Variants in PRR3 observed in about 807,000 individuals in gnomAD.
The protein encoded by PRR3 is proline rich 3.
PRR3 carries 16 observed loss-of-function variants against 22.4 expected under a neutral mutation model. The observed-to-expected ratio is 0.71, with a 90% CI of 0.48 to 1.09. The LOEUF (loss-of-function observed/expected upper bound fraction) is 1.09. Ranked by LOEUF, PRR3 falls within the 50% of genes least tolerant of loss-of-function variation. The pLI is 0.00. For synonymous variants in PRR3, 87 were observed against 88.6 expected (o/e 0.98, Z 0.10); for missense variants, 224 against 243.4 (o/e 0.92, Z 0.53).
rs1800319866 is a variant in PRR3, at chr6:30,557,396, C to T, written c.52C>T (p.Pro18Ser). 3.1e-6 allele frequency: 5 copies of T among 1,612,448 alleles called. No individual in the cohort carries two copies. The South Asian group carries it at 3.3e-5, about 11-fold the overall frequency. The part of the protein sequence containing the change: ...NHHQPPTQQQ[P>S]PLPEREETGD... ...TCACCAGCCACCGACACAGCAGCAG[C>T]CCCCGCTGCCCGAGCGGGAAGAGAC... The change falls in exon 1 of 4, where the codon CCC becomes TCC. Residue 18 changes from proline to serine, a missense_variant. Transcript: ENST00000376560.
chr6:30,558,652 T>C (rs1272414916), intron 2 of PRR3, among the ~76,000 whole-genome samples: 8 of 152,062 alleles, frequency 5.3e-5, no homozygotes, highest in Admixed American at 5.2e-4. Flanking sequence ...CATAGTGAGA[T>C]CCTGTCTCTA....
intron 3 of PRR3, 55 bp downstream of exon 3, chr6:30,562,179 A>C: frequency 6.7e-7 from 1 of 1,491,844 alleles, no homozygotes; most frequent in Non-Finnish European, 9.0e-7. Context: ...TTTTCAGAAG[A>C]TCATTCACAA....
intron 1 of PRR3, among the ~76,000 whole-genome samples, chr6:30,557,721 G>A (rs1800354926): frequency 6.6e-6 from 1 of 152,248 alleles, no homozygotes; most frequent in African/African-American, 2.4e-5. Context: ...AACAGTAGGG[G>A]AAAGGGGTAG....
chr6:30,561,718 T>G lies in PRR3; in HGVS notation c.170-116T>G. 1 of 896,526 alleles carries G rather than the reference T, an allele frequency of 1.1e-6. No homozygotes were observed. The highest frequency in any genetic ancestry group is 1.6e-6 in the Non-Finnish European group (1 of 608,072). 55.5% of individuals were successfully genotyped at this position (896,526 alleles called of 1,614,324 possible). On this transcript the variant is annotated intron_variant, in intron 2 of 3. Transcript: ENST00000376560. This position sits in a 1 kb window ranked among gnomAD's most constrained non-coding sequence, Gnocchi z 4.0. ...GAGAACTGGGTTGTGCACTTAAAAC[T>G]GGTGTGTCTTTATGTATGCTGTTCT...
intron 2 of PRR3, among the ~76,000 whole-genome samples, chr6:30,559,403 T>TG (rs1194950876): frequency 6.6e-6 from 1 of 151,956 alleles, no homozygotes; most frequent in Non-Finnish European, 1.5e-5. Flanking sequence ...AATACAAACT[T>TG]GCCAAATAAT....
intron 2 of PRR3, among the ~76,000 whole-genome samples, chr6:30,558,726 C>T (rs540341697): frequency 6.6e-6 from 1 of 152,244 alleles, no homozygotes; most frequent in African/African-American, 2.4e-5. Context: ...AGTTTGGAAA[C>T]AATGATAGAC....
Position 30,558,171 on chromosome 6 carries a change from C to A in PRR3, c.128C>A (p.Pro43His). The A allele has an allele frequency of 1.2e-6, 2 of 1,613,044 alleles. No homozygotes were observed. The highest frequency in any genetic ancestry group is 1.7e-6 in the Non-Finnish European group (2 of 1,180,002). ...SPIGPPSLLG[P>H]PPMANGKPGD... ...TTAGGACCACCCAGCCTTCTGGGCCCTCCCCCCATGGCCAATGGAAAACCT... is the reference window on the plus strand; with the variant it reads ...TTAGGACCACCCAGCCTTCTGGGCCATCCCCCCATGGCCAATGGAAAACCT... Residue 43 changes from proline to histidine, a missense_variant, in exon 2 of 4, where the codon CCT (proline) becomes CAT (histidine). Transcript: ENST00000376560.
At position 30,561,719 on chromosome 6, in the gene PRR3, G is replaced by A; in HGVS notation, c.170-115G>A. 2 of 900,376 alleles carry A rather than the reference G, an allele frequency of 2.2e-6. No individual in the cohort carries two copies. Among genetic ancestry groups the A allele is most frequent in the Non-Finnish European group, 1.6e-6 (1 of 612,066 alleles). 55.8% of individuals were successfully genotyped at this position (900,376 alleles called of 1,614,324 possible). A position where few individuals can be genotyped will look rare whatever the true frequency, so the allele number is the denominator to read the frequency against. ...AGAACTGGGTTGTGCACTTAAAACT[G>A]GTGTGTCTTTATGTATGCTGTTCTT... On this transcript the variant is annotated intron_variant, in intron 2 of 3. Coordinates refer to ENST00000376560, the MANE Select transcript of PRR3 (RefSeq NM_025263.4). The surrounding 1 kb of genome is among the most constrained non-coding windows in gnomAD (Gnocchi z 4.0).
chr6:30,559,096 G>A (rs1206600652), intron 2 of PRR3, among the ~76,000 whole-genome samples: 5 of 152,286 alleles, frequency 3.3e-5, no homozygotes, highest in South Asian at 2.1e-4. Context: ...ATAAATTTGC[G>A]GCTGGGTACA....
At chr6:30,557,992 A>G (rs1373559577) in intron 1 of PRR3, among the ~76,000 whole-genome samples, 158 bp from the exon 2 acceptor site, 1 of 152,266 alleles carries the variant, frequency 6.6e-6, no homozygotes, top group Admixed American at 6.5e-5. Context: ...TGCAGAAAAA[A>G]GGGCAGATAG....
chr6:30,558,232 G>A lies in PRR3; in HGVS notation c.169+20G>A, dbSNP rs1234590143. The A allele has an allele frequency of 6.2e-7, 1 of 1,607,746 alleles. No homozygotes were observed. Among genetic ancestry groups the A allele is most frequent in the Non-Finnish European group, 8.5e-7 (1 of 1,175,302 alleles). On this transcript the variant is annotated intron_variant, in intron 2 of 3. Transcript: ENST00000376560. ...AGTCAGGTGAGGAGGAAGGGGCCCT[G>A]ATCCTTGTATTAGGTCGTAGAGAAG...
chr6:30,557,163 CGGAG>C (rs1562721804), upstream of PRR3: 1 of 704,292 alleles, frequency 1.4e-6, no homozygotes, highest in Non-Finnish European at 2.6e-6. Flanking sequence ...CTGGCAGAGA[CGGAG>C]GGAGGCAGTT....
upstream of PRR3, chr6:30,557,245 G>A (rs1444003526): frequency 4.4e-6 from 4 of 900,724 alleles, no homozygotes; most frequent in East Asian, 1.0e-4. Context: ...GGGAGCCTCA[G>A]CATTGCTGCC....
At position 30,562,409 on chromosome 6, in the gene PRR3, T is replaced by C; in HGVS notation, c.481T>C (p.Cys161Arg). 1 of 1,614,136 alleles carries C rather than the reference T, an allele frequency of 6.2e-7. No homozygotes were observed. Among genetic ancestry groups the C allele is most frequent in the Non-Finnish European group, 8.5e-7 (1 of 1,179,968 alleles). Residue 161 changes from cysteine to arginine, a missense_variant, in exon 4 of 4, where the codon TGC becomes CGC. Physicochemically the swap from Cys to Arg is radical, Grantham distance 180. Coordinates refer to ENST00000376560, the MANE Select transcript of PRR3 (RefSeq NM_025263.4). ...CACAGACAAATCCGACCGCCCTGTC[T>C]GCCGACATTTTGCCAAAAAGGGCCA... ...VMEDKSDRPVCRHFAKKGHCR... is the reference protein window; with the variant it reads ...VMEDKSDRPVRRHFAKKGHCR...
intron 2 of PRR3, among the ~76,000 whole-genome samples, chr6:30,559,104 A>G (rs566155951): frequency 1.5e-4 from 23 of 152,250 alleles, no homozygotes; most frequent in Non-Finnish European, 2.6e-4. Flanking sequence ...GCGGCTGGGT[A>G]CAGTGGCTCA....
Position 30,562,427 on chromosome 6 carries a change from A to G in PRR3, c.499A>G (p.Lys167Glu). 1 of 1,614,188 alleles carries G rather than the reference A, an allele frequency of 6.2e-7. No individual in the cohort carries two copies. The highest frequency in any genetic ancestry group is 2.2e-5 in the East Asian group (1 of 44,884). The stretch of plus-strand genomic sequence containing the variant: ...CCCTGTCTGCCGACATTTTGCCAAA[A>G]AGGGCCACTGTCGATATGAGGACCT... ...DRPVCRHFAK[K>E]GHCRYEDLCA... Residue 167 changes from lysine (K) to glutamate (E), a missense_variant, in exon 4 of 4, where the codon AAG becomes GAG. Coordinates refer to ENST00000376560, the MANE Select transcript of PRR3 (RefSeq NM_025263.4).
At position 30,561,344 on chromosome 6, in the gene PRR3, A is replaced by G; in HGVS notation, c.170-490A>G. Reference sequence around the variant, plus strand: ...TCGTTATAGCCCCAAACTGGATACCACCCACATGTCCATCATCAGTAGAAT... The same window carrying G: ...TCGTTATAGCCCCAAACTGGATACCGCCCACATGTCCATCATCAGTAGAAT... On this transcript the variant is annotated intron_variant, in intron 2 of 3. Coordinates refer to ENST00000376560, the MANE Select transcript of PRR3 (RefSeq NM_025263.4). The surrounding 1 kb of genome is among the most constrained non-coding windows in gnomAD (Gnocchi z 4.0). The G allele has an allele frequency of 2.2e-6, 1 of 459,940 alleles. No homozygotes were observed. The highest frequency in any genetic ancestry group is 4.4e-6 in the Non-Finnish European group (1 of 229,522). The allele number at this position is 459,940 out of a possible 1,614,324, so 28.5% of individuals were successfully genotyped here.
In PRR3 at chr6:30,561,710, C is replaced by G; in HGVS notation, c.170-124C>G. On this transcript the variant is annotated intron_variant, in intron 2 of 3. Transcript: ENST00000376560. The surrounding 1 kb of genome is among the most constrained non-coding windows in gnomAD (Gnocchi z 4.0). Reference sequence around the variant, plus strand: ...TACTTTGTGAGAACTGGGTTGTGCACTTAAAACTGGTGTGTCTTTATGTAT... The same window carrying G: ...TACTTTGTGAGAACTGGGTTGTGCAGTTAAAACTGGTGTGTCTTTATGTAT... 1 of 863,082 alleles carries G rather than the reference C, an allele frequency of 1.2e-6. No homozygotes were observed. Among genetic ancestry groups the G allele is most frequent in the Non-Finnish European group, 1.7e-6 (1 of 578,558 alleles). The allele number at this position is 863,082 out of a possible 1,614,324, so 53.5% of individuals were successfully genotyped here.
At chr6:30,557,205 T>A (rs41272993), upstream of PRR3, 3 of 752,322 alleles carry the variant, frequency 4.0e-6, no homozygotes, top group Admixed American at 2.0e-5. Flanking sequence ...GCCGCAGATG[T>A]TCTCCGCAAC....
Sources: gnomAD v4.1 joint callset for allele counts (sites outside exome capture counted in the v4.1 genomes callset) on GRCh38, gnomAD v4.1.1 for gene constraint, Gnocchi (gnomAD v3.1) non-coding constraint, MANE v1.5 for transcripts, NCBI Gene and HGNC (gene_info 2026-07-23, HGNC 2026-07-21) for gene names.